The following SEC24A variants were observed in gnomAD, a reference collection of about 807,000 sequenced individuals.
SEC24A encodes protein transport protein Sec24A.
A neutral mutation model predicts 129.4 loss-of-function variants in SEC24A; 93 were observed. The ratio of observed to expected loss-of-function variants is 0.72; its 90% CI spans 0.61 to 0.85. The LOEUF is 0.85. Among genes scored for constraint, SEC24A ranks in the 40% least tolerant of loss-of-function variants. SEC24A has a pLI of 0.00. For synonymous variants in SEC24A, 460 were observed against 467.3 expected (o/e 0.98, Z 0.20); for missense variants, 1,264 against 1,307.4 (o/e 0.97, Z 0.51).
intron 1 of SEC24A, among the ~76,000 whole-genome samples, chr5:134,659,447 G>A (rs1750371879): frequency 6.6e-6 from 1 of 151,978 alleles, no homozygotes; most frequent in Non-Finnish European, 1.5e-5. Context: ...TAGTGAAGGT[G>A]TCATTATATA....
intron 1 of SEC24A, among the ~76,000 whole-genome samples, chr5:134,650,008 A>G (rs766652861): frequency 5.3e-5 from 8 of 152,232 alleles, no homozygotes; most frequent in Non-Finnish European, 1.0e-4. Context: ...GACTAGTAGA[A>G]TAATGCTAAA....
chr5:134,648,838 C>G lies in SEC24A; in HGVS notation c.-239C>G, dbSNP rs900023321. ...TCTAGGTTTGGCTGCCGCCTTCTAG[C>G]CGGGCGTTCGCGGCCCCGCCGGCCC... On this transcript the variant is annotated 5_prime_UTR_variant, in exon 1 of 23. Coordinates refer to ENST00000398844, the MANE Select transcript of SEC24A (RefSeq NM_021982.3). The G allele has an allele frequency of 3.5e-5, 13 of 376,590 alleles. No homozygotes were observed. Among genetic ancestry groups the G allele is most frequent in the Non-Finnish European group, 6.3e-5 (13 of 205,116 alleles). 23.3% of individuals were successfully genotyped at this position (376,590 alleles called of 1,614,324 possible).
intron 20 of SEC24A, among the ~76,000 whole-genome samples, chr5:134,718,797 A>C (rs1752549810): frequency 6.6e-6 from 1 of 151,660 alleles, no homozygotes; most frequent in Non-Finnish European, 1.5e-5. Context: ...CATGGTGAAA[A>C]TCTCTACTAA....
intron 17 of SEC24A, among the ~76,000 whole-genome samples, chr5:134,706,238 T>A (rs972761374): frequency 6.6e-6 from 1 of 152,200 alleles, no homozygotes; most frequent in Non-Finnish European, 1.5e-5. Context: ...ACTCTTTTTA[T>A]GAGAAGCAGT....
intron 11 of SEC24A, among the ~76,000 whole-genome samples, chr5:134,690,071 C>T (rs1486224058): frequency 5.9e-5 from 9 of 152,036 alleles, no homozygotes; most frequent in Admixed American, 4.6e-4. Context: ...CAAGCTGGAG[C>T]GCAATGGCGC....
intron 15 of SEC24A, among the ~76,000 whole-genome samples, chr5:134,699,869 T>G (rs1751950434): frequency 6.6e-6 from 1 of 151,834 alleles, no homozygotes; most frequent in East Asian, 1.9e-4. Flanking sequence ...CCTGACTAAT[T>G]TTTGTATTTT....
At chr5:134,698,497 T>C (rs1416420224) in intron 15 of SEC24A, among the ~76,000 whole-genome samples, 1 of 151,498 alleles carries the variant, frequency 6.6e-6, no homozygotes, top group Non-Finnish European at 1.5e-5. Flanking sequence ...CCCAGCTTCT[T>C]AGGAGGCTGA....
At position 134,726,018 on chromosome 5, in the gene SEC24A, A is replaced by G. The variant is rs1752750436; in HGVS notation, c.*924A>G. The G allele has an allele frequency of 6.6e-6, 1 of 152,496 alleles. No homozygotes were observed. The highest frequency in any genetic ancestry group is 2.4e-5 in the African/African-American group (1 of 41,458). The allele number at this position is 152,496 out of a possible 1,614,324, so 9.4% of individuals were successfully genotyped here. On this transcript the variant is annotated 3_prime_UTR_variant, in exon 23 of 23. Transcript: ENST00000398844. The stretch of plus-strand genomic sequence containing the variant: ...AGTGCTATCCAAATACATCAGTAAC[A>G]TTTTTCTAAGGAGTTTAATTGTTAA...
intron 11 of SEC24A, among the ~76,000 whole-genome samples, chr5:134,689,389 G>A (rs1392173938): frequency 6.6e-6 from 1 of 152,194 alleles, no homozygotes; most frequent in African/African-American, 2.4e-5. Context: ...TATAGCAATA[G>A]CAATCATTCA....
chr5:134,717,123 CCCGCCTCAGCCTCCCAA>C (rs1752499284), intron 19 of SEC24A, among the ~76,000 whole-genome samples: 1 of 151,940 alleles, frequency 6.6e-6, no homozygotes, highest in Non-Finnish European at 1.5e-5. Flanking sequence ...AAGTGATCCA[CCCGCCTCAGCCTCCCAA>C]AGTGCTGGAA....
At chr5:134,721,157 T>A in intron 21 of SEC24A, 67 bp downstream of exon 21, 1 of 878,394 alleles carries the variant, frequency 1.1e-6, no homozygotes, top group Non-Finnish European at 1.8e-6. Flanking sequence ...GAATATCCCC[T>A]ATTTTGATAT....
chr5:134,705,275 C>A, intron 16 of SEC24A, 52 bp from the exon 17 acceptor site: 1 of 1,388,656 alleles, frequency 7.2e-7, no homozygotes, highest in Non-Finnish European at 1.0e-6. Context: ...TTAACATAAT[C>A]TTTTGTTTTA....
At chr5:134,668,213 G>A (rs577665032) in intron 3 of SEC24A, among the ~76,000 whole-genome samples, 17 of 152,298 alleles carry the variant, frequency 1.1e-4, no homozygotes, top group African/African-American at 3.1e-4. Flanking sequence ...TTCTACTACT[G>A]AATACAATCA....
In SEC24A at chr5:134,681,454, GT is replaced by G. The variant is rs1256617036; in HGVS notation, c.1382-918del. On this transcript the variant is annotated intron_variant, in intron 8 of 22. Transcript: ENST00000398844. ...ACAGTTTTATTGTTTGTGTGTGTGTGTGTGTGTGTGTGTGTGTGTGTGTGTT... is the reference window on the plus strand; with the variant it reads ...ACAGTTTTATTGTTTGTGTGTGTGTGGTGTGTGTGTGTGTGTGTGTGTGTT... Among the ~76,000 whole-genome samples the G allele has an allele frequency of 3.5e-3, 532 of 151,786 alleles. 4 individuals carry two copies. The highest frequency in any genetic ancestry group is 0.012 in the African/African-American group (511 of 41,402).
chr5:134,677,282 C>G (rs1229429114), intron 7 of SEC24A, among the ~76,000 whole-genome samples: 1 of 151,906 alleles, frequency 6.6e-6, no homozygotes, highest in East Asian at 1.9e-4. Context: ...TGCACTCCAG[C>G]CTGGGTGGCA....
intron 18 of SEC24A, among the ~76,000 whole-genome samples, chr5:134,712,492 C>T (rs556594030): frequency 1.6e-4 from 24 of 152,234 alleles, no homozygotes; most frequent in African/African-American, 4.8e-5. Flanking sequence ...CCTTGTGATC[C>T]GTCCTCCATG....
At chr5:134,720,602 A>C (rs971315243) in intron 20 of SEC24A, among the ~76,000 whole-genome samples, 7 of 152,036 alleles carry the variant, frequency 4.6e-5, no homozygotes, top group African/African-American at 1.7e-4. Context: ...TACCTTTTTG[A>C]CCTTTTAAAA....
At chr5:134,713,895 A>T (rs1398533363) in intron 18 of SEC24A, among the ~76,000 whole-genome samples, 1 of 148,836 alleles carries the variant, frequency 6.7e-6, no homozygotes, top group Non-Finnish European at 1.5e-5. Context: ...AAAAAAAATT[A>T]GCCGGGTGTG....
intron 9 of SEC24A, among the ~76,000 whole-genome samples, chr5:134,683,899 G>A (rs143337689): frequency 1.3e-5 from 2 of 152,160 alleles, no homozygotes; most frequent in Non-Finnish European, 2.9e-5. Flanking sequence ...CTTAGTAGTA[G>A]AACTTGCATA....
Sources: gnomAD v4.1 joint callset for allele counts (sites outside exome capture counted in the v4.1 genomes callset) on GRCh38, gnomAD v4.1.1 for gene constraint, MANE v1.5 for transcripts, NCBI Gene and HGNC (gene_info 2026-07-23, HGNC 2026-07-21) for gene names.